Variants in GPHN observed in about 807,000 individuals in gnomAD.
The protein encoded by GPHN is gephyrin.
In GPHN, 17 loss-of-function variants were observed where a neutral mutation model predicts 95.5. That is an observed-to-expected ratio of 0.18 (90% CI 0.12 to 0.27). The LOEUF (loss-of-function observed/expected upper bound fraction) is 0.27. Ranked by LOEUF, GPHN falls within the 10% of genes least tolerant of loss-of-function variation. The pLI, the probability that GPHN is intolerant of heterozygous loss-of-function variation, is 1.00. For missense variants in GPHN, 660 were observed against 978.1 expected (o/e 0.67, Z 4.34); for synonymous variants, 320 against 322.5 (o/e 0.99, Z 0.08).
chr14:66,882,142 GTAAT>G (rs1246336178), intron 5 of GPHN, among the ~76,000 whole-genome samples: 1 of 151,690 alleles, frequency 6.6e-6, no homozygotes, highest in East Asian at 1.9e-4. Context: ...ATAGTATATT[GTAAT>G]TAATTATTTG....
intron 2 of GPHN, among the ~76,000 whole-genome samples, chr14:66,749,867 A>T (rs942148830): frequency 6.6e-6 from 1 of 151,346 alleles, no homozygotes; most frequent in African/African-American, 2.4e-5. Context: ...TTGTGAGCAT[A>T]TAGTAGGTCT....
intron 2 of GPHN, among the ~76,000 whole-genome samples, chr14:66,748,577 T>C (rs1270100691): frequency 1.3e-5 from 2 of 151,966 alleles, no homozygotes; most frequent in Non-Finnish European, 1.5e-5. Flanking sequence ...GTGTTGTATA[T>C]TCCATGGGTG....
chr14:67,667,847 G>A, the GPHN span, among the ~76,000 whole-genome samples: 1 of 152,262 alleles, frequency 6.6e-6, no homozygotes, highest in Admixed American at 6.5e-5. Context: ...GGGAGGCTGA[G>A]GCAGAAGAAT....
chr14:67,199,712 C>A, the GPHN span: 1 of 1,582,584 alleles, frequency 6.3e-7, no homozygotes, highest in African/African-American at 1.3e-5. Context: ...ACCTCCTTCA[C>A]CCTCTGCCCC....
At chr14:67,521,790 T>A in the GPHN span, among the ~76,000 whole-genome samples, 4 of 152,166 alleles carry the variant, frequency 2.6e-5, no homozygotes, top group Non-Finnish European at 5.9e-5. Context: ...AAAGTGAGAA[T>A]AAGAGCACAC....
intron 1 of GPHN, among the ~76,000 whole-genome samples, chr14:66,533,161 T>C (rs2059010873): frequency 6.6e-6 from 1 of 152,234 alleles, no homozygotes; most frequent in African/African-American, 2.4e-5. Context: ...TTTATTCAGC[T>C]CTCTGCCTAT....
intron 19 of GPHN, among the ~76,000 whole-genome samples, chr14:67,162,343 G>T (rs1043721368): frequency 6.6e-6 from 1 of 152,056 alleles, no homozygotes; most frequent in African/African-American, 2.4e-5. Flanking sequence ...AGTTTAAATG[G>T]GCTTCTTTTA....
chr14:67,109,292 A>AT (rs779744875), intron 13 of GPHN, among the ~76,000 whole-genome samples: 3 of 152,040 alleles, frequency 2.0e-5, no homozygotes, highest in African/African-American at 4.8e-5. Context: ...TTGTCTCAGG[A>AT]TTTTTTCTTA....
chr14:67,609,856 A>G, the GPHN span, among the ~76,000 whole-genome samples: 4 of 152,118 alleles, frequency 2.6e-5, no homozygotes, highest in African/African-American at 9.7e-5. Context: ...CAGCTTTCAG[A>G]GGAGAGGAGT....
chr14:66,725,207 T>A (rs1174330194), intron 2 of GPHN, among the ~76,000 whole-genome samples: 1 of 152,144 alleles, frequency 6.6e-6, no homozygotes, highest in African/African-American at 2.4e-5. Flanking sequence ...ATATTGGACT[T>A]TTGTTATGTA....
intron 9 of GPHN, among the ~76,000 whole-genome samples, chr14:66,975,907 G>A (rs1211970989): frequency 1.3e-5 from 2 of 151,998 alleles, no homozygotes; most frequent in African/African-American, 4.8e-5. Context: ...ATGAGGACTA[G>A]TTGACCTCAG....
the GPHN span, chr14:67,374,708 T>C: frequency 4.0e-5 from 18 of 446,048 alleles, no homozygotes; most frequent in East Asian, 5.7e-4. Flanking sequence ...TTAAATTAAC[T>C]GTGGGTGACT....
intron 9 of GPHN, among the ~76,000 whole-genome samples, chr14:66,970,460 G>T (rs2069676756): frequency 6.6e-6 from 1 of 152,134 alleles, no homozygotes; most frequent in African/African-American, 2.4e-5. Context: ...TTTCCTAGTA[G>T]TGTTAGTTTT....
the GPHN span, among the ~76,000 whole-genome samples, chr14:67,621,179 G>C: frequency 6.6e-6 from 1 of 152,206 alleles, no homozygotes; most frequent in Admixed American, 6.5e-5. Flanking sequence ...CAAGGAGGTA[G>C]AGTGAGGCAA....
chr14:67,581,440 C>A, the GPHN span: 1 of 176,166 alleles, frequency 5.7e-6, no homozygotes, highest in Admixed American at 5.5e-5. Flanking sequence ...GTGGGAGGAT[C>A]ACTTAAACCT....
At chr14:66,755,306 A>G (rs1439664784) in intron 2 of GPHN, among the ~76,000 whole-genome samples, 1 of 152,152 alleles carries the variant, frequency 6.6e-6, no homozygotes, top group Non-Finnish European at 1.5e-5. Context: ...CTATTAGAGC[A>G]TAACTGCATA....
chr14:66,853,756 T>C (rs2062691069), intron 4 of GPHN, among the ~76,000 whole-genome samples: 1 of 152,180 alleles, frequency 6.6e-6, no homozygotes, highest in Admixed American at 6.5e-5. Context: ...TGGCAAAAAT[T>C]TAAAGAATCA....
At chr14:67,647,821 T>C in the GPHN span, 4 of 546,572 alleles carry the variant, frequency 7.3e-6, no homozygotes, top group South Asian at 7.0e-5. Context: ...GTCTGAGGTA[T>C]GCAGAACAAA....
intron 1 of GPHN, among the ~76,000 whole-genome samples, chr14:66,519,077 C>G (rs921909669): frequency 2.0e-5 from 3 of 151,732 alleles, no homozygotes; most frequent in African/African-American, 7.3e-5. Flanking sequence ...GGAGACATCA[C>G]TATGTATCTC....
Sources: allele counts gnomAD v4.1 joint callset (sites outside exome capture counted in the v4.1 genomes callset), GRCh38; gene constraint gnomAD v4.1.1; transcripts MANE v1.5; gene names NCBI Gene and HGNC (gene_info 2026-07-23, HGNC 2026-07-21).